Variants in PDE4B observed in about 807,000 individuals in gnomAD.
PDE4B encodes phosphodiesterase 4B.
PDE4B carries 20 observed loss-of-function variants against 82.2 expected under a neutral mutation model. That is an observed-to-expected ratio of 0.24 (90% CI 0.17 to 0.35). PDE4B has a LOEUF of 0.35. Ranked by LOEUF, PDE4B falls within the 10% of genes least tolerant of loss-of-function variation. The pLI is 1.00. For synonymous variants in PDE4B, 320 were observed against 318.9 expected (o/e 1.00, Z -0.04); for missense variants, 655 against 907.2 (o/e 0.72, Z 3.57).
At chr1:66,314,107 C>A (rs773852984) in intron 7 of PDE4B, among the ~76,000 whole-genome samples, 5 of 152,154 alleles carry the variant, frequency 3.3e-5, no homozygotes, top group Non-Finnish European at 5.9e-5. Context: ...ATCCCTTAAA[C>A]ATATACTTTT....
intron 16 of PDE4B, among the ~76,000 whole-genome samples, chr1:66,371,555 A>G (rs2050781625): frequency 6.6e-6 from 1 of 152,186 alleles, no homozygotes; most frequent in Non-Finnish European, 1.5e-5. Flanking sequence ...GAACTGCTTA[A>G]TTGTTTTTTA....
At chr1:66,240,753 C>A (rs1652830890) in intron 3 of PDE4B, among the ~76,000 whole-genome samples, 1 of 152,178 alleles carries the variant, frequency 6.6e-6, no homozygotes, top group Non-Finnish European at 1.5e-5. Context: ...TGCTCATCAC[C>A]ATTAACATAA....
intron 3 of PDE4B, among the ~76,000 whole-genome samples, chr1:66,114,151 A>G (rs1030872566): frequency 2.6e-5 from 4 of 152,164 alleles, no homozygotes; most frequent in African/African-American, 9.7e-5. Context: ...CGATGTGAGG[A>G]CACAACAAGG....
intron 3 of PDE4B, among the ~76,000 whole-genome samples, chr1:66,113,377 G>A (rs1333693804): frequency 6.6e-6 from 1 of 152,052 alleles, no homozygotes; most frequent in Non-Finnish European, 1.5e-5. Context: ...AACAAAAATG[G>A]GTTTCATCAA....
chr1:66,201,841 T>G, intron 3 of PDE4B, among the ~76,000 whole-genome samples: 1 of 152,102 alleles, frequency 6.6e-6, no homozygotes, highest in Non-Finnish European at 1.5e-5. Flanking sequence ...TGTGTCTCTA[T>G]TTCCTTCAGT....
intron 3 of PDE4B, among the ~76,000 whole-genome samples, chr1:66,043,055 A>G (rs542798186): frequency 1.3e-5 from 2 of 151,816 alleles, no homozygotes; most frequent in Admixed American, 6.6e-5. Context: ...AAGGCTATGA[A>G]TCCAGCTTTA....
intron 3 of PDE4B, among the ~76,000 whole-genome samples, chr1:66,153,486 TTTTTG>T (rs1646443366): frequency 6.6e-6 from 1 of 152,078 alleles, no homozygotes; most frequent in Non-Finnish European, 1.5e-5. Context: ...CTCATGGGTT[TTTTTG>T]TTTTGTTTTG....
chr1:65,894,635 T>A (rs1019671798), intron 1 of PDE4B, among the ~76,000 whole-genome samples: 4 of 152,202 alleles, frequency 2.6e-5, no homozygotes, highest in African/African-American at 9.6e-5. Context: ...GTAAATAATT[T>A]GTTTTCAAAA....
intron 1 of PDE4B, among the ~76,000 whole-genome samples, chr1:65,904,418 T>A (rs1352357375): frequency 6.6e-6 from 1 of 152,218 alleles, no homozygotes; most frequent in African/African-American, 2.4e-5. Flanking sequence ...ATGTTTTAGA[T>A]ATACAGTTTT....
intron 6 of PDE4B, among the ~76,000 whole-genome samples, chr1:66,258,151 T>G (rs1163451855): frequency 6.6e-6 from 1 of 152,348 alleles, no homozygotes; most frequent in African/African-American, 2.4e-5. Context: ...CGTTGACTTT[T>G]ACATTTACTA....
intron 3 of PDE4B, among the ~76,000 whole-genome samples, chr1:66,199,266 G>A (rs1648642588): frequency 2.0e-5 from 3 of 151,564 alleles, no homozygotes; most frequent in African/African-American, 7.3e-5. Flanking sequence ...ATCCTCTCCA[G>A]CACCTGTTGT....
intron 8 of PDE4B, among the ~76,000 whole-genome samples, chr1:66,337,750 G>C (rs7533686): frequency 0.11 from 17,209 of 152,236 alleles, 1,296 homozygotes; most frequent in Non-Finnish European, 0.17. Context: ...AGGTGACCCT[G>C]GATTAGAGGG....
intron 3 of PDE4B, among the ~76,000 whole-genome samples, chr1:66,049,823 C>G (rs1400215266): frequency 6.6e-6 from 1 of 151,956 alleles, no homozygotes; most frequent in Non-Finnish European, 1.5e-5. Flanking sequence ...CCGTGTACAT[C>G]CTCAAAATGC....
At chr1:65,841,432 T>C (rs1008546189) in intron 1 of PDE4B, among the ~76,000 whole-genome samples, 2 of 151,976 alleles carry the variant, frequency 1.3e-5, no homozygotes, top group Admixed American at 6.6e-5. Flanking sequence ...CCATTTCTAG[T>C]TATGTTAATG....
chr1:66,372,559 G>A lies in PDE4B; in HGVS notation c.2092G>A (p.Gly698Arg), dbSNP rs1400658320. Reference protein sequence around the residue: ...DSEGPEKEGEGHSYFSSTKTL... With the variant: ...DSEGPEKEGERHSYFSSTKTL... ...TGAAGGACCTGAGAAGGAGGGAGAG[G>A]GACACAGCTATTTCAGCAGCACAAA... The change falls in exon 17 of 17, where the codon GGA becomes AGA. Residue 698 changes from glycine (G) to arginine (R), a missense_variant. By Grantham distance (125) the Gly-to-Arg change is moderately radical (BLOSUM62 -2). This residue lies in a region of PDE4B where 119 missense variants were observed against 115.2 expected (regional missense o/e 1.03). Transcript: ENST00000341517. 1.9e-6 allele frequency: 3 copies of A among 1,614,010 alleles called. No homozygotes were observed. The highest frequency in any genetic ancestry group is 2.7e-5 in the African/African-American group (2 of 74,914).
chr1:65,965,766 C>T (rs1329740501), intron 3 of PDE4B, among the ~76,000 whole-genome samples: 2 of 152,056 alleles, frequency 1.3e-5, no homozygotes. Flanking sequence ...TTCTTTAAGA[C>T]TGTTGAATAA....
chr1:65,958,927 A>G (rs1373269139), intron 3 of PDE4B, among the ~76,000 whole-genome samples: 2 of 152,244 alleles, frequency 1.3e-5, no homozygotes, highest in Non-Finnish European at 2.9e-5. Context: ...GTAACTGCAT[A>G]TCAGAAAAGT....
chr1:66,202,597 T>C (rs1026004737), intron 3 of PDE4B, among the ~76,000 whole-genome samples: 6 of 151,720 alleles, frequency 4.0e-5, no homozygotes, highest in Admixed American at 2.0e-4. Context: ...TTTACCATTA[T>C]GTAATGGCCT....
intron 7 of PDE4B, among the ~76,000 whole-genome samples, chr1:66,288,373 T>C (rs1656835274): frequency 6.6e-6 from 1 of 152,110 alleles, no homozygotes; most frequent in African/African-American, 2.4e-5. Context: ...CACTGAGGAT[T>C]ACATTCCAAC....
Sources: gnomAD v4.1 joint callset for allele counts (sites outside exome capture counted in the v4.1 genomes callset) on GRCh38, gnomAD v4.1.1 for gene constraint, gnomAD v4.1.1 regional missense constraint, MANE v1.5 for transcripts, NCBI Gene and HGNC (gene_info 2026-07-23, HGNC 2026-07-21) for gene names.